Variants in ANKRD29 observed in about 807,000 individuals in gnomAD.
ANKRD29 encodes the protein ankyrin repeat domain 29, also known as ankyrin repeat domain-containing protein 29.
ANKRD29 carries 32 observed loss-of-function variants against 38.0 expected under a neutral mutation model. The observed-to-expected ratio is 0.84, with a 90% CI of 0.64 to 1.13. The LOEUF is 1.13. ANKRD29 is among the 50% of genes most tolerant of loss of function. ANKRD29 has a pLI of 0.00. For synonymous variants in ANKRD29, 135 were observed against 152.4 expected (o/e 0.89, Z 0.84); for missense variants, 357 against 377.9 (o/e 0.94, Z 0.46).
In ANKRD29 at chr18:23,601,217, G is replaced by A; in HGVS notation, c.*9C>T. On this transcript the variant is annotated 3_prime_UTR_variant, in exon 10 of 10. Coordinates refer to ENST00000592179, the MANE Select transcript of ANKRD29 (RefSeq NM_173505.4). ...AGCTTTCTATCTTTCTGTCAAATAT[G>A]GAGCTAAGTTAGCTCTTTCTGGGAC... is the stretch of plus-strand genomic sequence containing the variant. 1 of 1,609,960 alleles carries A rather than the reference G, an allele frequency of 6.2e-7. No individual in the cohort carries two copies. The highest frequency in any genetic ancestry group is 8.5e-7 in the Non-Finnish European group (1 of 1,176,430).
At position 23,600,632 on chromosome 18, in the gene ANKRD29, T is replaced by A. The variant is rs17202807; in HGVS notation, c.*594A>T. Reference sequence around the variant, plus strand: ...TATAGTTCAATAGTCCATCTTTGAATAGCACATAATGGAATGTCAGAAGTG... The same window carrying A: ...TATAGTTCAATAGTCCATCTTTGAAAAGCACATAATGGAATGTCAGAAGTG... On this transcript the variant is annotated 3_prime_UTR_variant, in exon 10 of 10. Transcript: ENST00000592179. The A allele has an allele frequency of 2.0e-5, 3 of 152,674 alleles. No homozygotes were observed. Among genetic ancestry groups the A allele is most frequent in the Admixed American group, 1.3e-4 (2 of 15,282 alleles). 9.5% of individuals were successfully genotyped at this position (152,674 alleles called of 1,614,324 possible). A position where few individuals can be genotyped will look rare whatever the true frequency, so the allele number is the denominator to read the frequency against.
intron 1 of ANKRD29, among the ~76,000 whole-genome samples, chr18:23,658,835 C>T (rs745400559): frequency 6.6e-5 from 10 of 152,150 alleles, no homozygotes; most frequent in South Asian, 2.1e-4. Context: ...TGTGAGGAAA[C>T]GGGGCATGCA....
intron 1 of ANKRD29, among the ~76,000 whole-genome samples, chr18:23,658,606 C>T (rs935880237): frequency 2.6e-5 from 4 of 152,114 alleles, no homozygotes; most frequent in Non-Finnish European, 5.9e-5. Context: ...ATATGTTGCA[C>T]GCAAGACAGA....
chr18:23,605,371 T>A (rs1159782419), intron 9 of ANKRD29, among the ~76,000 whole-genome samples: 1 of 151,922 alleles, frequency 6.6e-6, no homozygotes, highest in Non-Finnish European at 1.5e-5. Context: ...ATCCCTGGCT[T>A]ATTTTTTTTC....
At chr18:23,603,318 A>G (rs1349542780) in intron 9 of ANKRD29, among the ~76,000 whole-genome samples, 2 of 152,238 alleles carry the variant, frequency 1.3e-5, no homozygotes, top group African/African-American at 4.8e-5. Flanking sequence ...ATGTTGGCAC[A>G]TTTCATTGTG....
intron 8 of ANKRD29, 145 bp from the exon 9 acceptor site, chr18:23,612,335 C>T: frequency 1.5e-6 from 1 of 646,624 alleles, no homozygotes; most frequent in Non-Finnish European, 2.6e-6. Context: ...TTCAAAGTCA[C>T]ATCAGCCCCT....
chr18:23,658,166 G>A (rs775760226), intron 1 of ANKRD29, among the ~76,000 whole-genome samples: 5 of 152,156 alleles, frequency 3.3e-5, no homozygotes, highest in Non-Finnish European at 4.4e-5. Context: ...AACACTTTGG[G>A]AGGCCAAAGC....
At chr18:23,646,330 G>A in intron 2 of ANKRD29, 43 bp from the exon 3 acceptor site, 2 of 1,558,258 alleles carry the variant, frequency 1.3e-6, no homozygotes, top group Non-Finnish European at 1.8e-6. Context: ...CCACTGCTAT[G>A]TCAGAGAGAA....
chr18:23,616,103 T>C (rs2059712046), intron 8 of ANKRD29, among the ~76,000 whole-genome samples: 1 of 150,758 alleles, frequency 6.6e-6, no homozygotes, highest in Non-Finnish European at 1.5e-5. Context: ...CGTATGTATG[T>C]ATGCATACTC....
At chr18:23,642,771 C>T (rs1233967540) in intron 3 of ANKRD29, among the ~76,000 whole-genome samples, 1 of 152,216 alleles carries the variant, frequency 6.6e-6, no homozygotes, top group African/African-American at 2.4e-5. Context: ...CTTCCTGGGG[C>T]CCTGCATGCA....
intron 1 of ANKRD29, among the ~76,000 whole-genome samples, chr18:23,656,394 G>A (rs1308882507): frequency 2.0e-5 from 3 of 152,098 alleles, no homozygotes; most frequent in East Asian, 1.9e-4. Flanking sequence ...CTTTTTACAC[G>A]TAGGCTTTGG....
intron 1 of ANKRD29, among the ~76,000 whole-genome samples, chr18:23,650,393 C>T (rs1302150064): frequency 1.3e-5 from 2 of 152,150 alleles, no homozygotes; most frequent in Admixed American, 6.5e-5. Flanking sequence ...ATCTACCCAC[C>T]TCAGCCTCCC....
At chr18:23,617,171 C>T (rs559317287) in intron 8 of ANKRD29, among the ~76,000 whole-genome samples, 186 of 152,230 alleles carry the variant, frequency 1.2e-3, no homozygotes, top group Admixed American at 3.7e-3. Context: ...GAGCCGAGAT[C>T]GTGCCATTGC....
intron 4 of ANKRD29, among the ~76,000 whole-genome samples, chr18:23,637,649 C>A (rs1161286571): frequency 6.6e-6 from 1 of 152,048 alleles, no homozygotes; most frequent in African/African-American, 2.4e-5. Flanking sequence ...CCTCCTGCCT[C>A]AGCTTCCCAA....
At position 23,603,865 on chromosome 18, in the gene ANKRD29, C is replaced by T. The variant is rs374943071; in HGVS notation, c.823-2556G>A. 1.7e-4 allele frequency among the ~76,000 whole-genome samples: 25 copies of T among 149,752 alleles called. 1 individual carries two copies. The South Asian group carries it at 4.2e-3, about 25-fold the overall frequency. On this transcript the variant is annotated intron_variant, in intron 9 of 9. Transcript: ENST00000592179. ...TTACTTCTTTTTTTTTTTTTTAAGA[C>T]GGAGTCTCACTCTGTTGCCCAGGCT...
chr18:23,619,415 C>T (rs2059766021), intron 7 of ANKRD29, 116 bp downstream of exon 7: 7 of 995,406 alleles, frequency 7.0e-6, no homozygotes, highest in Non-Finnish European at 9.9e-6. Context: ...TTTTCCTGCT[C>T]AAGGAAGGAG....
intron 8 of ANKRD29, among the ~76,000 whole-genome samples, chr18:23,616,629 C>T (rs1270208762): frequency 7.3e-6 from 1 of 137,900 alleles, no homozygotes; most frequent in South Asian, 2.4e-4. Flanking sequence ...ATAGTAAATA[C>T]ATTCTGTAGT....
At chr18:23,634,353 G>A (rs562286938) in intron 4 of ANKRD29, among the ~76,000 whole-genome samples, 70 of 140,430 alleles carry the variant, frequency 5.0e-4, no homozygotes, top group Admixed American at 5.3e-4. Context: ...GCAGTGGTGC[G>A]ATCTTGGCTC....
intron 2 of ANKRD29, 69 bp from the exon 3 acceptor site, chr18:23,646,356 T>C (rs2060140548): frequency 1.4e-6 from 2 of 1,404,388 alleles, no homozygotes; most frequent in African/African-American, 1.4e-5. Context: ...CTAGAGAAGA[T>C]GCTGCAGAGA....
Sources: gnomAD v4.1 joint callset for allele counts (sites outside exome capture counted in the v4.1 genomes callset) on GRCh38, gnomAD v4.1.1 for gene constraint, MANE v1.5 for transcripts, NCBI Gene and HGNC (gene_info 2026-07-23, HGNC 2026-07-21) for gene names.